TRIM42: variants seen among roughly 807,000 people sequenced by gnomAD.
TRIM42 encodes tripartite motif-containing protein 42.
TRIM42 carries 59 observed loss-of-function variants against 64.9 expected under a neutral mutation model. The observed-to-expected ratio is 0.91, with a 90% CI of 0.74 to 1.13. TRIM42 has a LOEUF of 1.13. Ranked by LOEUF, TRIM42 falls within the 50% of genes most tolerant of loss-of-function variation. TRIM42 has a pLI of 0.00. For missense variants in TRIM42, 878 were observed against 929.5 expected (o/e 0.94, Z 0.72); for synonymous variants, 354 against 346.3 (o/e 1.02, Z -0.25).
At position 140,685,493 on chromosome 3, in the gene TRIM42, A is replaced by C. The variant is rs559669187; in HGVS notation, c.1040-2229A>C. ...CCTGAGAGCTTGTTAGAAATGCAGA[A>C]TCTCAGGACCCACCCCAGGCCTAGT... On this transcript the variant is annotated intron_variant, in intron 2 of 4. Coordinates refer to ENST00000286349, the MANE Select transcript of TRIM42 (RefSeq NM_152616.5). Among the ~76,000 whole-genome samples the C allele has an allele frequency of 3.9e-5, 6 of 152,288 alleles. No individual in the cohort carries two copies. In the East Asian group the frequency reaches 1.2e-3, roughly 29 times the overall value.
intron 2 of TRIM42, 83 bp from the exon 3 acceptor site, chr3:140,687,639 G>A: frequency 2.0e-6 from 2 of 1,007,590 alleles, no homozygotes; most frequent in Non-Finnish European, 1.4e-6. Flanking sequence ...TTGGAGCCTA[G>A]GGTAATTTGT....
At position 140,691,167 on chromosome 3, in the gene TRIM42, C is replaced by G. The variant is rs1417163589; in HGVS notation, c.2060C>G (p.Pro687Arg). 6.2e-7 allele frequency: 1 copy of G among 1,614,060 alleles called. No homozygotes were observed. ...GTTAGAGCCATCAATGATAATGGTC[C>G]TGGGCAATGGAGTGATATCTGCAAG... ...FKVRAINDNG[P>R]GQWSDICKVV... The change falls in exon 4 of 5, where the codon CCT becomes CGT. Residue 687 changes from proline (P) to arginine (R), a missense_variant. Coordinates refer to ENST00000286349, the MANE Select transcript of TRIM42 (RefSeq NM_152616.5).
chr3:140,685,695 G>T (rs765295068), intron 2 of TRIM42, among the ~76,000 whole-genome samples: 3 of 152,076 alleles, frequency 2.0e-5, no homozygotes, highest in Non-Finnish European at 2.9e-5. Context: ...AGGTTATTCT[G>T]GTACTCAGAG....
Position 140,678,371 on chromosome 3 carries a change from C to T in TRIM42, c.142C>T (p.Arg48Trp), listed in dbSNP as rs1432924023. Residue 48 changes from arginine to tryptophan, a missense_variant, in exon 1 of 5, where the codon CGG becomes TGG. Physicochemically the swap from Arg to Trp is moderately radical, Grantham distance 101 (BLOSUM62 -3). Coordinates refer to ENST00000286349, the MANE Select transcript of TRIM42 (RefSeq NM_152616.5). ...CTTCCCCTGCCCTTACAAAGATGAG[C>T]GGAACTGCCAGTTCTGCCACTGCAC... ...TCFPCPYKDE[R>W]NCQFCHCTCS... is the part of the protein sequence containing the mutation. The T allele has an allele frequency of 1.2e-5, 19 of 1,614,042 alleles. No homozygotes were observed. Among genetic ancestry groups the T allele is most frequent in the East Asian group, 2.2e-5 (1 of 44,884 alleles).
rs145987304 is a variant in TRIM42, at chr3:140,688,338, T to G, written c.1656T>G (p.Gly552=). Residue 552 remains glycine (G), a synonymous_variant, in exon 3 of 5, where the codon GGT becomes GGG. Transcript: ENST00000286349. The part of the protein sequence containing the change: ...FSNTDKKAKV[G]LEACGRAQSA... ...ACACTGACAAGAAGGCCAAGGTGGG[T>G]CTGGAGGCCTGTGGGAGAGCCCAGT... 6.2e-7 allele frequency: 1 copy of G among 1,614,088 alleles called. No individual in the cohort carries two copies. The highest frequency in any genetic ancestry group is 8.5e-7 in the Non-Finnish European group (1 of 1,180,010).
At chr3:140,700,109 G>T (rs1190890568) in intron 4 of TRIM42, among the ~76,000 whole-genome samples, 3 of 152,034 alleles carry the variant, frequency 2.0e-5, no homozygotes, top group South Asian at 2.1e-4. Flanking sequence ...ATATTTATTT[G>T]GGGGGAAGGA....
intron 4 of TRIM42, among the ~76,000 whole-genome samples, chr3:140,696,645 AG>A (rs896745052): frequency 3.9e-5 from 6 of 152,206 alleles, no homozygotes; most frequent in African/African-American, 1.4e-4. Flanking sequence ...AAATGTTGGC[AG>A]GGTTGGTTTC....
Position 140,683,143 on chromosome 3 carries a change from C to A in TRIM42, c.1023C>A (p.Ile341=). The A allele has an allele frequency of 6.2e-7, 1 of 1,614,136 alleles. No homozygotes were observed. The highest frequency in any genetic ancestry group is 8.5e-7 in the Non-Finnish European group (1 of 1,179,958). ...GGGCCGCCTCACTCTTCAGCGCCATCGCCAAGTTCAAAGCAGGTCCTCCCC... is the reference window on the plus strand; with the variant it reads ...GGGCCGCCTCACTCTTCAGCGCCATAGCCAAGTTCAAAGCAGGTCCTCCCC... ...SERAASLFSA[I]AKFKAVRYEI... is the part of the protein sequence containing the mutation. Residue 341 remains isoleucine, a synonymous_variant, in exon 2 of 5, where the codon ATC becomes ATA. Coordinates refer to ENST00000286349, the MANE Select transcript of TRIM42 (RefSeq NM_152616.5).
intron 4 of TRIM42, among the ~76,000 whole-genome samples, chr3:140,696,304 C>T (rs867925474): frequency 1.3e-5 from 2 of 151,902 alleles, no homozygotes; most frequent in East Asian, 1.9e-4. Flanking sequence ...TGTTTCTTAC[C>T]TTTTTTTCTT....
At chr3:140,680,297 CT>C (rs547647224) in intron 1 of TRIM42, among the ~76,000 whole-genome samples, 27 of 152,116 alleles carry the variant, frequency 1.8e-4, no homozygotes, top group South Asian at 4.2e-4. Context: ...TCTGCCTCCC[CT>C]GCTTCTCATC....
chr3:140,682,657 C>G lies in TRIM42; in HGVS notation c.537C>G (p.Val179=), dbSNP rs1393911890. ...CLRQLQKHAE[V]TENFFILICP... ...GGCAGCTGCAGAAGCACGCCGAGGTCACCGAGAACTTCTTCATCCTCATCT... is the reference window on the plus strand; with the variant it reads ...GGCAGCTGCAGAAGCACGCCGAGGTGACCGAGAACTTCTTCATCCTCATCT... Residue 179 remains valine (V), a synonymous_variant, in exon 2 of 5, where the codon GTC becomes GTG. Coordinates refer to ENST00000286349, the MANE Select transcript of TRIM42 (RefSeq NM_152616.5). 6 of 1,613,394 alleles carry G rather than the reference C, an allele frequency of 3.7e-6. No individual in the cohort carries two copies. In the Admixed American group the frequency reaches 6.7e-5, roughly 18 times the overall value.
intron 1 of TRIM42, among the ~76,000 whole-genome samples, chr3:140,682,226 T>G (rs528137012): frequency 6.6e-6 from 1 of 152,246 alleles, no homozygotes; most frequent in Admixed American, 6.5e-5. Context: ...CTCTATGACA[T>G]AGGTACTAAT....
At chr3:140,681,389 C>A (rs867528126) in intron 1 of TRIM42, among the ~76,000 whole-genome samples, 3 of 152,162 alleles carry the variant, frequency 2.0e-5, no homozygotes, top group African/African-American at 4.8e-5. Context: ...TTATAAAAAC[C>A]TCACAAAGCA....
Position 140,700,987 on chromosome 3 carries a change from C to A in TRIM42, c.*13C>A. 1 of 1,612,598 alleles carries A rather than the reference C, an allele frequency of 6.2e-7. No individual in the cohort carries two copies. The highest frequency in any genetic ancestry group is 1.3e-5 in the African/African-American group (1 of 75,004). ...GAAGCACTTCTGAGCCCCTTCAGAGCAGGAAACAACCTCAGACTCATCACA... is the reference window on the plus strand; with the variant it reads ...GAAGCACTTCTGAGCCCCTTCAGAGAAGGAAACAACCTCAGACTCATCACA... On this transcript the variant is annotated 3_prime_UTR_variant, in exon 5 of 5. Coordinates refer to ENST00000286349, the MANE Select transcript of TRIM42 (RefSeq NM_152616.5).
At chr3:140,690,877 C>A in intron 3 of TRIM42, 91 bp from the exon 4 acceptor site, 1 of 1,089,974 alleles carries the variant, frequency 9.2e-7, no homozygotes, top group Non-Finnish European at 1.4e-6. Flanking sequence ...TTAAACTCAC[C>A]CCACAGATAG....
chr3:140,679,883 C>T (rs1291095549), intron 1 of TRIM42, among the ~76,000 whole-genome samples: 1 of 146,934 alleles, frequency 6.8e-6, no homozygotes, highest in African/African-American at 2.5e-5. Flanking sequence ...ATCCCCACCC[C>T]CCCAAACATT....
chr3:140,698,583 AT>A (rs1988917068), intron 4 of TRIM42, among the ~76,000 whole-genome samples: 1 of 152,154 alleles, frequency 6.6e-6, no homozygotes, highest in Non-Finnish European at 1.5e-5. Context: ...TTGTATACAT[AT>A]GTCAAAACAT....
At chr3:140,683,601 C>T (rs917837685) in intron 2 of TRIM42, among the ~76,000 whole-genome samples, 13 of 152,176 alleles carry the variant, frequency 8.5e-5, no homozygotes, top group African/African-American at 3.1e-4. Context: ...TGTTCTGTCA[C>T]TGTTGGATCT....
Position 140,683,175 on chromosome 3 carries a change from A to G in TRIM42, c.1039+16A>G. The G allele has an allele frequency of 1.9e-6, 3 of 1,610,734 alleles. No individual in the cohort carries two copies. Among genetic ancestry groups the G allele is most frequent in the Non-Finnish European group, 2.5e-6 (3 of 1,177,676 alleles). On this transcript the variant is annotated intron_variant, in intron 2 of 4. Transcript: ENST00000286349. ...TTCAAAGCAGGTCCTCCCCTTTTCCACTCCTTCAGCCTAACTTCTAGTTCA... is the reference window on the plus strand; with the variant it reads ...TTCAAAGCAGGTCCTCCCCTTTTCCGCTCCTTCAGCCTAACTTCTAGTTCA...
Sources: allele counts gnomAD v4.1 joint callset (sites outside exome capture counted in the v4.1 genomes callset), GRCh38; gene constraint gnomAD v4.1.1; transcripts MANE v1.5; gene names NCBI Gene and HGNC (gene_info 2026-07-23, HGNC 2026-07-21).